The following SLC25A10 variants were observed in gnomAD, a reference collection of about 807,000 sequenced individuals.
SLC25A10 encodes the protein solute carrier family 25 member 10.
Under a neutral mutation model 40.4 loss-of-function variants are expected in SLC25A10, and 32 were observed. The observed-to-expected ratio is 0.79, with a 90% CI of 0.60 to 1.06. SLC25A10 has a LOEUF of 1.06. Ranked by LOEUF, SLC25A10 falls within the 50% of genes least tolerant of loss-of-function variation. SLC25A10 has a pLI of 0.00. For synonymous variants in SLC25A10, 181 were observed against 171.1 expected (o/e 1.06, Z -0.45); for missense variants, 394 against 402.6 (o/e 0.98, Z 0.18).
Position 81,720,254 on chromosome 17 carries a change from C to T in SLC25A10, c.*177C>T. On this transcript the variant is annotated 3_prime_UTR_variant, in exon 11 of 11. Coordinates refer to ENST00000350690, the MANE Select transcript of SLC25A10 (RefSeq NM_012140.5). ...TGAGCTCCTCCTGGCCTCGTCCCCTCTCAGCTGTAGCTGCACCACCCCCGC... is the reference window on the plus strand; with the variant it reads ...TGAGCTCCTCCTGGCCTCGTCCCCTTTCAGCTGTAGCTGCACCACCCCCGC... The T allele has an allele frequency of 1.4e-6, 2 of 1,446,584 alleles. No homozygotes were observed. The highest frequency in any genetic ancestry group is 1.8e-6 in the Non-Finnish European group (2 of 1,106,714). The allele number at this position is 1,446,584 out of a possible 1,614,324, so 89.6% of individuals were successfully genotyped here.
In SLC25A10 at chr17:81,713,522, C is replaced by T. The variant is rs901951563; in HGVS notation, c.93+1003C>T. ...TGAAGGCCAGGTGAGCAGATGTGGGCGTCTTGGGGCACCTGAGACCTCACT... is the reference window on the plus strand; with the variant it reads ...TGAAGGCCAGGTGAGCAGATGTGGGTGTCTTGGGGCACCTGAGACCTCACT... On this transcript the variant is annotated intron_variant, in intron 1 of 10. Transcript: ENST00000350690. 578 of 984,282 alleles carry T rather than the reference C, an allele frequency of 5.9e-4. 7 individuals are homozygous for T. The highest frequency in any genetic ancestry group is 2.6e-4 in the Non-Finnish European group (214 of 828,874). 61.0% of individuals were successfully genotyped at this position (984,282 alleles called of 1,614,324 possible).
Position 81,720,527 on chromosome 17 carries a change from T to C in SLC25A10, c.*450T>C. On this transcript the variant is annotated 3_prime_UTR_variant, in exon 11 of 11. Coordinates refer to ENST00000350690, the MANE Select transcript of SLC25A10 (RefSeq NM_012140.5). Reference sequence around the variant, plus strand: ...CTCACCCAAGTGCTAGCTCTGCACTTCGTGTCTGCTGAGAGCAACCAGACC... The same window carrying C: ...CTCACCCAAGTGCTAGCTCTGCACTCCGTGTCTGCTGAGAGCAACCAGACC... 7.7e-7 allele frequency: 1 copy of C among 1,295,474 alleles called. No individual in the cohort carries two copies. The highest frequency in any genetic ancestry group is 1.5e-5 in the African/African-American group (1 of 66,288). The allele number at this position is 1,295,474 out of a possible 1,614,324, so 80.2% of individuals were successfully genotyped here. A position where few individuals can be genotyped will look rare whatever the true frequency, so the allele number is the denominator to read the frequency against.
Position 81,720,356 on chromosome 17 carries a change from G to A in SLC25A10, c.*279G>A, listed in dbSNP as rs751848682. 2.0e-4 allele frequency: 286 copies of A among 1,416,560 alleles called. No homozygotes were observed. The highest frequency in any genetic ancestry group is 2.5e-4 in the Non-Finnish European group (277 of 1,091,578). The allele number at this position is 1,416,560 out of a possible 1,614,324, so 87.7% of individuals were successfully genotyped here. On this transcript the variant is annotated 3_prime_UTR_variant, in exon 11 of 11. Transcript: ENST00000350690. Reference sequence around the variant, plus strand: ...CGCTGGCAGCTCCTCAGGGGAACAGGGGCTACCAGAGGCTGATTTCTCCCC... The same window carrying A: ...CGCTGGCAGCTCCTCAGGGGAACAGAGGCTACCAGAGGCTGATTTCTCCCC...
At chr17:81,717,275 G>A (rs2037506073) in intron 7 of SLC25A10, 124 bp from the exon 8 acceptor site, 1 of 1,094,436 alleles carries the variant, frequency 9.1e-7, no homozygotes, top group Non-Finnish European at 1.4e-6. Flanking sequence ...CCCTGTCTGG[G>A]CCTCACGGAC....
Position 81,712,401 on chromosome 17 carries a change from G to T in SLC25A10, c.-26G>T. 4.8e-6 allele frequency: 6 copies of T among 1,252,628 alleles called. No individual in the cohort carries two copies. Among genetic ancestry groups the T allele is most frequent in the Non-Finnish European group, 6.0e-6 (6 of 995,904 alleles). 77.6% of individuals were successfully genotyped at this position (1,252,628 alleles called of 1,614,324 possible). On this transcript the variant is annotated 5_prime_UTR_variant, in exon 1 of 11. Transcript: ENST00000350690. ...GTAGGGCCGGGGTCGGGTTGTGGTC[G>T]GGCCGGGATTGGGCTCTCCTGGGCC...
chr17:81,715,871 A>C, intron 4 of SLC25A10, 130 bp downstream of exon 4: 1 of 1,430,784 alleles, frequency 7.0e-7, no homozygotes, highest in Admixed American at 1.8e-5. Flanking sequence ...TGTCCTGGGC[A>C]TAGGAGGGTG....
chr17:81,719,832 G>T lies in SLC25A10; in HGVS notation c.707G>T (p.Gly236Val). 1.2e-6 allele frequency: 2 copies of T among 1,613,220 alleles called. No individual in the cohort carries two copies. Among genetic ancestry groups the T allele is most frequent in the South Asian group, 1.1e-5 (1 of 91,046 alleles). The change falls in exon 10 of 11, where the codon GGC (glycine) becomes GTC (valine). Residue 236 changes from glycine to valine, a missense_variant and splice_region_variant. Physicochemically the swap from Gly to Val is moderately radical, Grantham distance 109 (BLOSUM62 -3). Coordinates refer to ENST00000350690, the MANE Select transcript of SLC25A10 (RefSeq NM_012140.5). ...RLMNSKGEYQGVFHCAVETAK... is the reference protein window; with the variant it reads ...RLMNSKGEYQVVFHCAVETAK... The stretch of plus-strand genomic sequence containing the variant: ...ATTGTTTCACTGCGTTTTCTGCAGG[G>T]CGTTTTCCACTGCGCCGTGGAGACA...
At chr17:81,713,391 G>A (rs780220544) in intron 1 of SLC25A10, 78 of 962,296 alleles carry the variant, frequency 8.1e-5, no homozygotes, top group African/African-American at 8.8e-5. Context: ...CTGGGCAGCC[G>A]CCTGTCTAGG....
At chr17:81,713,496 G>C (rs1413436619) in intron 1 of SLC25A10, 3 of 985,334 alleles carry the variant, frequency 3.0e-6, no homozygotes, top group South Asian at 4.7e-5. Flanking sequence ...TGGTCGCTGC[G>C]TGAAGGCCAG....
At chr17:81,713,442 C>T (rs1221658769) in intron 1 of SLC25A10, 2 of 985,444 alleles carry the variant, frequency 2.0e-6, no homozygotes, top group Non-Finnish European at 1.2e-6. Context: ...ACTTGTATTC[C>T]AGCAGCCTTT....
intron 4 of SLC25A10, 87 bp from the exon 5 acceptor site, chr17:81,715,922 G>T (rs1013078208): frequency 8.8e-6 from 13 of 1,476,196 alleles, no homozygotes; most frequent in Non-Finnish European, 1.0e-5. Flanking sequence ...TGTGGGCCCC[G>T]CTGACCAGCG....
chr17:81,714,889 CT>C, intron 1 of SLC25A10, 63 bp from the exon 2 acceptor site: 1 of 1,582,210 alleles, frequency 6.3e-7, no homozygotes, highest in South Asian at 1.1e-5. Context: ...TTCCCCCTCT[CT>C]GGATGAACCT....
Position 81,720,206 on chromosome 17 carries a change from C to T in SLC25A10, c.*129C>T, listed in dbSNP as rs2037565950. Reference sequence around the variant, plus strand: ...GCCACCCGTCCTCCGCAGCAGGCCCCTGCTGTCCCCCCACCTGCTGGCTGA... The same window carrying T: ...GCCACCCGTCCTCCGCAGCAGGCCCTTGCTGTCCCCCCACCTGCTGGCTGA... On this transcript the variant is annotated 3_prime_UTR_variant, in exon 11 of 11. Transcript: ENST00000350690. The T allele has an allele frequency of 6.8e-7, 1 of 1,477,800 alleles. No individual in the cohort carries two copies. Among genetic ancestry groups the T allele is most frequent in the Non-Finnish European group, 8.9e-7 (1 of 1,122,088 alleles). The allele number at this position is 1,477,800 out of a possible 1,614,324, so 91.5% of individuals were successfully genotyped here.
At chr17:81,716,072 C>T (rs1400187731) in intron 5 of SLC25A10, 22 bp downstream of exon 5, 14 of 1,587,084 alleles carry the variant, frequency 8.8e-6, no homozygotes, top group African/African-American at 4.0e-5. Flanking sequence ...GCGGCCTTCT[C>T]GGGGTGGTTG....
At chr17:81,717,539 G>T in intron 8 of SLC25A10, 48 bp downstream of exon 8, 1 of 1,598,396 alleles carries the variant, frequency 6.3e-7, no homozygotes, top group Non-Finnish European at 8.6e-7. Flanking sequence ...CCGGCCTTGG[G>T]CGCTGAGGGC....
Position 81,712,346 on chromosome 17 carries a change from C to T in SLC25A10, c.-81C>T. On this transcript the variant is annotated 5_prime_UTR_variant, in exon 1 of 11. Transcript: ENST00000350690. ...TTTGAACCGGGCGCGGGGCGCGGGG[C>T]GCGGGGCGCTGCGGCCGGTACACGC... 2.1e-6 allele frequency: 2 copies of T among 965,022 alleles called. No individual in the cohort carries two copies. The highest frequency in any genetic ancestry group is 7.5e-5 in the East Asian group (2 of 26,510). The allele number at this position is 965,022 out of a possible 1,614,324, so 59.8% of individuals were successfully genotyped here. A position where few individuals can be genotyped will look rare whatever the true frequency, so the allele number is the denominator to read the frequency against.
Position 81,720,134 on chromosome 17 carries a change from T to C in SLC25A10, c.*57T>C. 6.2e-7 allele frequency: 1 copy of C among 1,601,600 alleles called. No individual in the cohort carries two copies. Among genetic ancestry groups the C allele is most frequent in the African/African-American group, 1.3e-5 (1 of 74,796 alleles). ...AGACACGCTAGGTTCTTCCAAAGAG[T>C]CCCAAGCCCAGCACCTGCTCCTGGG... On this transcript the variant is annotated 3_prime_UTR_variant, in exon 11 of 11. Transcript: ENST00000350690.
In SLC25A10 at chr17:81,712,472, GCCT is replaced by G; in HGVS notation, c.50_52del (p.Ser17del). The G allele has an allele frequency of 7.7e-7, 1 of 1,305,292 alleles. No homozygotes were observed. Among genetic ancestry groups the G allele is most frequent in the African/African-American group, 1.5e-5 (1 of 65,162 alleles). 80.9% of individuals were successfully genotyped at this position (1,305,292 alleles called of 1,614,324 possible). On this transcript the variant is annotated inframe_deletion, in exon 1 of 11. Transcript: ENST00000350690. ...GTCGCGCTGGTACTTCGGGGGGCTG[GCCT>G]CCTGCGGGGCCGCCTGCTGCACGCA... is the stretch of plus-strand genomic sequence containing the variant.
chr17:81,716,878 A>G (rs1319463675), intron 6 of SLC25A10, 23 bp downstream of exon 6: 2 of 1,589,214 alleles, frequency 1.3e-6, no homozygotes. Context: ...TGCTGTGCAC[A>G]GGCAGGGTTC....
Sources: gnomAD v4.1 joint callset for allele counts on GRCh38, gnomAD v4.1.1 for gene constraint, MANE v1.5 for transcripts, NCBI Gene and HGNC (gene_info 2026-07-23, HGNC 2026-07-21) for gene names.